The following RXFP2 variants were observed in gnomAD, a reference collection of about 807,000 sequenced individuals.
RXFP2 encodes relaxin receptor 2.
RXFP2 carries 68 observed loss-of-function variants against 88.6 expected under a neutral mutation model. That is an observed-to-expected ratio of 0.77 (90% confidence interval 0.63 to 0.94). The LOEUF (loss-of-function observed/expected upper bound fraction) is 0.94, where lower values mean the gene tolerates loss of function less well. RXFP2 is among the 40% of genes least tolerant of loss of function. The probability of loss-of-function intolerance (pLI) is 0.00; values close to 1 mark genes in which losing one functional copy is unlikely to be tolerated. For synonymous variants in RXFP2, 329 were observed against 306.8 expected (o/e 1.07, Z -0.76); for missense variants, 791 against 893.9 (o/e 0.88, Z 1.47).
At chr13:31,763,860 T>C (rs554721825) in intron 3 of RXFP2, among the ~76,000 whole-genome samples, 2 of 152,312 alleles carry the variant, frequency 1.3e-5, no homozygotes, top group African/African-American at 4.8e-5. Context: ...GACGTAAGCA[T>C]ATGAAAGTTA....
intron 1 of RXFP2, among the ~76,000 whole-genome samples, chr13:31,754,916 A>G (rs1021591726): frequency 6.6e-6 from 1 of 152,184 alleles, no homozygotes; most frequent in Admixed American, 6.5e-5. Context: ...GCAAGCTTCC[A>G]TTTTACATAG....
intron 9 of RXFP2, among the ~76,000 whole-genome samples, chr13:31,780,746 C>T (rs7335707): frequency 0.076 from 11,613 of 152,224 alleles, 457 homozygotes; most frequent in Middle Eastern, 0.13. Flanking sequence ...GCGCTGTCCA[C>T]GTATGTGGGA....
At chr13:31,787,068 G>A (rs185650348) in intron 13 of RXFP2, among the ~76,000 whole-genome samples, 66 of 152,260 alleles carry the variant, frequency 4.3e-4, no homozygotes, top group African/African-American at 1.5e-3. Context: ...TTAAAAAACT[G>A]TCCCACAAAT....
At chr13:31,756,867 C>T (rs1278249319) in intron 1 of RXFP2, among the ~76,000 whole-genome samples, 1 of 152,070 alleles carries the variant, frequency 6.6e-6, no homozygotes, top group Non-Finnish European at 1.5e-5. Context: ...GTAATTTCCC[C>T]ACCTCGGCCT....
At chr13:31,746,408 G>C (rs1326447721) in intron 1 of RXFP2, among the ~76,000 whole-genome samples, 1 of 152,120 alleles carries the variant, frequency 6.6e-6, no homozygotes, top group Non-Finnish European at 1.5e-5. Flanking sequence ...TTAAGTATTT[G>C]GTAAGGGAAT....
chr13:31,783,808 G>GTT (rs574085190), intron 11 of RXFP2, among the ~76,000 whole-genome samples: 2 of 77,776 alleles, frequency 2.6e-5, no homozygotes, highest in African/African-American at 9.7e-5. Context: ...TTGTTTGTTT[G>GTT]TTTGTTTTGT....
intron 17 of RXFP2, among the ~76,000 whole-genome samples, chr13:31,798,509 G>A (rs1874165668): frequency 6.6e-6 from 1 of 152,152 alleles, no homozygotes; most frequent in African/African-American, 2.4e-5. Flanking sequence ...GAAGAACAGA[G>A]ATAATTAAAT....
rs569005707 is a variant in RXFP2, at chr13:31,739,838, T to G, written c.94+132T>G. On this transcript the variant is annotated intron_variant, in intron 1 of 17. Coordinates refer to ENST00000298386, the MANE Select transcript of RXFP2 (RefSeq NM_130806.5). ...AACAGACATCAAATTTGCCTGGTAT[T>G]TGTCATTATCTTTCATTGCTTGTAG... 5.7e-6 allele frequency: 4 copies of G among 699,244 alleles called. No individual in the cohort carries two copies. In the East Asian group the frequency reaches 1.1e-4, roughly 19 times the overall value. The allele number at this position is 699,244 out of a possible 1,614,324, so 43.3% of individuals were successfully genotyped here.
chr13:31,791,839 T>A lies in RXFP2; in HGVS notation c.1179T>A (p.Ala393=). The change falls in exon 15 of 18, where the codon GCT becomes GCA. Residue 393 remains alanine (A), a synonymous_variant. Coordinates refer to ENST00000298386, the MANE Select transcript of RXFP2 (RefSeq NM_130806.5). ...YFKNFRYCSY[A]PHVRICMPLT... is the part of the protein sequence containing the mutation. ...AAAACTTTCGATACTGCTCCTATGC[T>A]CCCCATGTCCGAATATGTATGCCCT... 6.2e-7 allele frequency: 1 copy of A among 1,614,134 alleles called. No individual in the cohort carries two copies. The highest frequency in any genetic ancestry group is 8.5e-7 in the Non-Finnish European group (1 of 1,180,004).
In RXFP2 at chr13:31,792,985, T is replaced by C; in HGVS notation, c.1683T>C (p.Asp561=). 1 of 1,614,130 alleles carries C rather than the reference T, an allele frequency of 6.2e-7. No homozygotes were observed. Among genetic ancestry groups the C allele is most frequent in the Non-Finnish European group, 8.5e-7 (1 of 1,179,976 alleles). Residue 561 remains aspartate (D), a synonymous_variant, in exon 16 of 18, where the codon GAT becomes GAC. Transcript: ENST00000298386. The part of the protein sequence containing the change: ...LIAVIPFWNK[D]YFGNFYGKNG... ...CTGTAATTCCATTTTGGAATAAGGA[T>C]TATTTTGGAAACTTTTATGGGAAAA...
At chr13:31,756,091 T>C (rs547388990) in intron 1 of RXFP2, among the ~76,000 whole-genome samples, 7 of 130,194 alleles carry the variant, frequency 5.4e-5, no homozygotes, top group Non-Finnish European at 8.4e-5. Context: ...AAGCTTAATG[T>C]GCATTTGTAA....
chr13:31,781,866 G>C (rs1873298925), intron 10 of RXFP2, 124 bp downstream of exon 10: 1 of 708,100 alleles, frequency 1.4e-6, no homozygotes, highest in African/African-American at 1.8e-5. Context: ...ACACTGCAGT[G>C]CTAGAAAATG....
chr13:31,784,893 C>T (rs1034831953), intron 11 of RXFP2, among the ~76,000 whole-genome samples: 4 of 152,180 alleles, frequency 2.6e-5, no homozygotes, highest in African/African-American at 9.7e-5. Flanking sequence ...TTGCTCTCAC[C>T]TGGTCCATGT....
At chr13:31,742,467 G>C (rs1871257492) in intron 1 of RXFP2, among the ~76,000 whole-genome samples, 1 of 152,184 alleles carries the variant, frequency 6.6e-6, no homozygotes, top group African/African-American at 2.4e-5. Flanking sequence ...CAGTCATCCC[G>C]AAGACTGACC....
At chr13:31,748,623 T>C (rs1871525809) in intron 1 of RXFP2, among the ~76,000 whole-genome samples, 1 of 152,196 alleles carries the variant, frequency 6.6e-6, no homozygotes, top group South Asian at 2.1e-4. Context: ...CGTTTGTTAA[T>C]TACAGACCCT....
intron 2 of RXFP2, among the ~76,000 whole-genome samples, chr13:31,760,981 G>T (rs1315345964): frequency 1.3e-5 from 2 of 151,988 alleles, no homozygotes; most frequent in African/African-American, 4.8e-5. Context: ...TTGAGACAGG[G>T]TCTCCCTCTG....
chr13:31,772,719 G>A (rs1872777593), intron 5 of RXFP2, among the ~76,000 whole-genome samples: 3 of 152,206 alleles, frequency 2.0e-5, no homozygotes. Flanking sequence ...TAGAAGACTA[G>A]AAGCTCTTCA....
chr13:31,744,424 T>C (rs988899391), intron 1 of RXFP2, among the ~76,000 whole-genome samples: 2 of 152,218 alleles, frequency 1.3e-5, no homozygotes, highest in Admixed American at 6.5e-5. Flanking sequence ...GGAAACTATA[T>C]AGTTCATAGC....
In RXFP2 at chr13:31,791,351, A is replaced by G. The variant is rs536250652; in HGVS notation, c.1146-455A>G. ...AGTGTCAGGGAAGAGGAGGCTAGTT[A>G]AAGTCAGTAGACCTCGGTGTTTAAA... On this transcript the variant is annotated intron_variant, in intron 14 of 17. Coordinates refer to ENST00000298386, the MANE Select transcript of RXFP2 (RefSeq NM_130806.5). 1.6e-4 allele frequency among the ~76,000 whole-genome samples: 24 copies of G among 152,326 alleles called. 1 individual carries two copies. In the East Asian group the frequency reaches 4.2e-3, roughly 27 times the overall value.
Sources: allele counts gnomAD v4.1 joint callset (sites outside exome capture counted in the v4.1 genomes callset), GRCh38; gene constraint gnomAD v4.1.1; transcripts MANE v1.5; gene names NCBI Gene and HGNC (gene_info 2026-07-23, HGNC 2026-07-21).